Variants in ILKAP observed in about 807,000 individuals in gnomAD.
ILKAP encodes the protein ILK associated serine/threonine phosphatase.
In ILKAP, 11 loss-of-function variants were observed where a neutral mutation model predicts 49.1. The ratio of observed to expected loss-of-function variants is 0.22; its 90% confidence interval spans 0.14 to 0.37. The LOEUF (loss-of-function observed/expected upper bound fraction) is 0.37. Ranked by LOEUF, ILKAP falls within the 10% of genes least tolerant of loss-of-function variation. The probability of loss-of-function intolerance (pLI) is 1.00; values close to 1 mark genes in which losing one functional copy is unlikely to be tolerated. For missense variants in ILKAP, 363 were observed against 510.8 expected, an observed-to-expected ratio of 0.71 and a Z score of 2.79; for synonymous variants, 186 against 192.8, an observed-to-expected ratio of 0.96 and a Z score of 0.29.
At chr2:238,183,976 A>C (rs757343634) in intron 7 of ILKAP, 44 bp downstream of exon 7, 1 of 1,136,878 alleles carries the variant, frequency 8.8e-7, no homozygotes, top group Admixed American at 1.8e-5. Context: ...TTAGGAAAAC[A>C]CCACACACAG....
chr2:238,200,648 C>T (rs1694530200), intron 1 of ILKAP, among the ~76,000 whole-genome samples: 1 of 152,128 alleles, frequency 6.6e-6, no homozygotes, highest in Non-Finnish European at 1.5e-5. Flanking sequence ...ATGGCAAAGC[C>T]TTGTCTCTAC....
chr2:238,199,940 G>C (rs1221838638), intron 1 of ILKAP, among the ~76,000 whole-genome samples: 1 of 152,030 alleles, frequency 6.6e-6, no homozygotes. Context: ...GTATTTTTAA[G>C]ATGGTGTGGC....
At chr2:238,197,950 GA>G (rs1286211732) in intron 1 of ILKAP, among the ~76,000 whole-genome samples, 22 of 152,270 alleles carry the variant, frequency 1.4e-4, no homozygotes, top group Non-Finnish European at 2.9e-5. Context: ...CAAGATCACA[GA>G]GCCAGTAAGG....
In ILKAP at chr2:238,170,983, G is replaced by T. The variant is rs1461064499; in HGVS notation, c.998C>A (p.Thr333Asn). The T allele has an allele frequency of 1.9e-6, 3 of 1,613,680 alleles. No homozygotes were observed. Among genetic ancestry groups the T allele is most frequent in the Non-Finnish European group, 2.5e-6 (3 of 1,179,938 alleles). The change falls in exon 11 of 12, where the codon ACC (threonine) becomes AAC (asparagine). Residue 333 changes from threonine (T) to asparagine (N), a missense_variant. Transcript: ENST00000254654. Reference sequence around the variant, plus strand: ...GATGAAGTTCACGGCTTCTTCTGGGGTAAAGACCTTGAAGAGCCCATCACA... The same window carrying T: ...GATGAAGTTCACGGCTTCTTCTGGGTTAAAGACCTTGAAGAGCCCATCACA... Reference protein sequence around the residue: ...LACDGLFKVFTPEEAVNFILS... With the variant: ...LACDGLFKVFNPEEAVNFILS...
chr2:238,180,641 C>T (rs1278106355), intron 9 of ILKAP, among the ~76,000 whole-genome samples: 4 of 152,230 alleles, frequency 2.6e-5, no homozygotes, highest in South Asian at 2.1e-4. Context: ...TCAGGGGCAG[C>T]GACCCACGCT....
rs55849458 is a variant in ILKAP at position 238,176,135 on chromosome 2, C to CTTTTTTTTTT, written c.837-2492_837-2483dup. On this transcript the variant is annotated intron_variant, in intron 9 of 11. Coordinates refer to ENST00000254654, the MANE Select transcript of ILKAP (RefSeq NM_030768.3). ...AATTACAATGCTTAGCAAGTAGTGG[C>CTTTTTTTTTT]TTTTTTTTTTTTTTTTGAGACAGAG... is the stretch of plus-strand genomic sequence containing the variant. Among the ~76,000 whole-genome samples, 7 of 98,010 alleles carry CTTTTTTTTTT rather than the reference C, an allele frequency of 7.1e-5. 1 individual carries two copies. Among genetic ancestry groups the CTTTTTTTTTT allele is most frequent in the East Asian group, 3.7e-4 (1 of 2,682 alleles). The allele number at this position is 98,010 out of a possible 152,430, so 64.3% of individuals were successfully genotyped here. A position where few individuals can be genotyped will look rare whatever the true frequency, so the allele number is the denominator to read the frequency against.
intron 1 of ILKAP, among the ~76,000 whole-genome samples, chr2:238,201,202 G>A (rs1694555941): frequency 6.6e-6 from 1 of 151,562 alleles, no homozygotes; most frequent in African/African-American, 2.4e-5. Flanking sequence ...TTAAATCACA[G>A]TATTTTCACA....
At position 238,184,184 on chromosome 2, in the gene ILKAP, G is replaced by T. The variant is rs1326043980; in HGVS notation, c.533-71C>A. 3.2e-6 allele frequency: 3 copies of T among 924,946 alleles called. No homozygotes were observed. The Admixed American group carries it at 5.6e-5, about 17-fold the overall frequency. 57.3% of individuals were successfully genotyped at this position (924,946 alleles called of 1,614,324 possible). A position where few individuals can be genotyped will look rare whatever the true frequency, so the allele number is the denominator to read the frequency against. On this transcript the variant is annotated intron_variant, in intron 6 of 11. Coordinates refer to ENST00000254654, the MANE Select transcript of ILKAP (RefSeq NM_030768.3). ...ATTATCCTCCTCCCACTGTCATTTT[G>T]GTTTGTTTTTTGTTTTATTTTTTTG...
chr2:238,190,677 A>G (rs968082102), intron 3 of ILKAP, among the ~76,000 whole-genome samples: 2 of 152,168 alleles, frequency 1.3e-5, no homozygotes, highest in Non-Finnish European at 2.9e-5. Flanking sequence ...AGTGCCTAAC[A>G]CATCAATCTC....
Position 238,170,524 on chromosome 2 carries a change from G to C in ILKAP, c.*12C>G, listed in dbSNP as rs763221497. 6.3e-7 allele frequency: 1 copy of C among 1,581,538 alleles called. No individual in the cohort carries two copies. Among genetic ancestry groups the C allele is most frequent in the African/African-American group, 1.3e-5 (1 of 74,096 alleles). On this transcript the variant is annotated 3_prime_UTR_variant, in exon 12 of 12. Transcript: ENST00000254654. ...GTCAATACCATGCGTGCTCCTGGCC[G>C]CGCGCCACCCCTCAGTGCCCTATCC...
At chr2:238,186,752 T>C (rs1454161259) in intron 5 of ILKAP, 1 of 152,062 alleles carries the variant, frequency 6.6e-6, no homozygotes, top group Non-Finnish European at 1.5e-5. Context: ...ACATTTATTC[T>C]AGAGAGCTGC....
chr2:238,183,866 TTC>T (rs1459920633), intron 7 of ILKAP, 126 bp from the exon 8 acceptor site: 4 of 981,538 alleles, frequency 4.1e-6, no homozygotes, highest in Non-Finnish European at 6.2e-6. Context: ...CTTGCTTTTT[TTC>T]TGTTTTAGAT....
chr2:238,170,431 C>T lies in ILKAP; in HGVS notation c.*105G>A. 1 of 1,256,450 alleles carries T rather than the reference C, an allele frequency of 8.0e-7. No homozygotes were observed. Among genetic ancestry groups the T allele is most frequent in the Non-Finnish European group, 1.1e-6 (1 of 912,182 alleles). The allele number at this position is 1,256,450 out of a possible 1,614,324, so 77.8% of individuals were successfully genotyped here. ...AAAAAAAAAGAGAAACCTTTATTTA[C>T]AACCATGGGAGTCCCACAGGAGTAC... On this transcript the variant is annotated 3_prime_UTR_variant, in exon 12 of 12. Coordinates refer to ENST00000254654, the MANE Select transcript of ILKAP (RefSeq NM_030768.3).
chr2:238,202,444 G>A (rs1186915303), intron 1 of ILKAP, among the ~76,000 whole-genome samples: 1 of 152,038 alleles, frequency 6.6e-6, no homozygotes, highest in African/African-American at 2.4e-5. Context: ...AGCGAAGGCT[G>A]GGCCTTACTC....
At chr2:238,189,190 C>T (rs1311960393) in intron 4 of ILKAP, among the ~76,000 whole-genome samples, 1 of 152,070 alleles carries the variant, frequency 6.6e-6, no homozygotes, top group Non-Finnish European at 1.5e-5. Context: ...TGGTGGCAGG[C>T]GTCTGTAGTC....
chr2:238,194,915 A>C (rs1694282854), intron 1 of ILKAP, 45 bp from the exon 2 acceptor site: 1 of 1,468,568 alleles, frequency 6.8e-7, no homozygotes, highest in African/African-American at 1.4e-5. Flanking sequence ...GTCATCACCC[A>C]GGACAGATTT....
chr2:238,188,434 A>C, intron 4 of ILKAP, 177 bp from the exon 5 acceptor site: 1 of 682,860 alleles, frequency 1.5e-6, no homozygotes. Flanking sequence ...TATAACTCAA[A>C]TCGGAGCACT....
chr2:238,172,995 G>A (rs941575200), intron 10 of ILKAP, among the ~76,000 whole-genome samples: 1 of 152,194 alleles, frequency 6.6e-6, no homozygotes, highest in African/African-American at 2.4e-5. Flanking sequence ...ATGGAGAACA[G>A]GAGATGAACA....
chr2:238,191,277 G>A (rs181820181), intron 3 of ILKAP, among the ~76,000 whole-genome samples: 250 of 151,960 alleles, frequency 1.6e-3, no homozygotes, highest in African/African-American at 5.5e-3. Context: ...GCCTACAGGA[G>A]TGCACCATCA....
Sources: gnomAD v4.1 joint callset for allele counts (sites outside exome capture counted in the v4.1 genomes callset) on GRCh38, gnomAD v4.1.1 for gene constraint, MANE v1.5 for transcripts, NCBI Gene and HGNC (gene_info 2026-07-23, HGNC 2026-07-21) for gene names.